Variants in RPTOR observed in about 807,000 individuals in gnomAD.
RPTOR encodes regulatory associated protein of MTOR complex 1.
Under a neutral mutation model 169.9 loss-of-function variants are expected in RPTOR, and 21 were observed. That is an observed-to-expected ratio of 0.12 (90% CI 0.09 to 0.18). The LOEUF (loss-of-function observed/expected upper bound fraction) is 0.18. RPTOR is among the 10% of genes least tolerant of loss of function. RPTOR has a pLI of 1.00. For missense variants in RPTOR, 1,133 were observed against 1,855.9 expected (o/e 0.61, Z 7.16); for synonymous variants, 732 against 753.2 (o/e 0.97, Z 0.46).
chr17:80,943,812 G>T (rs2069064973), intron 25 of RPTOR, among the ~76,000 whole-genome samples: 1 of 152,222 alleles, frequency 6.6e-6, no homozygotes, highest in Admixed American at 6.5e-5. Flanking sequence ...GAGCCAGTCA[G>T]GTGAGGACAC....
At chr17:80,613,623 T>C (rs1408994673) in intron 1 of RPTOR, among the ~76,000 whole-genome samples, 1 of 149,846 alleles carries the variant, frequency 6.7e-6, no homozygotes, top group Non-Finnish European at 1.5e-5. Context: ...ACACAGGTGC[T>C]CTCTATGGTT....
intron 2 of RPTOR, among the ~76,000 whole-genome samples, chr17:80,628,816 G>A (rs2065416137): frequency 6.6e-6 from 1 of 152,136 alleles, no homozygotes; most frequent in South Asian, 2.1e-4. Flanking sequence ...GAGCTTCTTG[G>A]ATGTGTAGTT....
intron 23 of RPTOR, among the ~76,000 whole-genome samples, chr17:80,924,634 A>G (rs2068789239): frequency 6.6e-6 from 1 of 150,990 alleles, no homozygotes; most frequent in African/African-American, 2.4e-5. Flanking sequence ...GAGCAATGCT[A>G]CCGGCACGTG....
intron 11 of RPTOR, among the ~76,000 whole-genome samples, chr17:80,852,883 G>C (rs9891538): frequency 0.12 from 17,942 of 150,824 alleles, 3,391 homozygotes; most frequent in African/African-American, 0.4. Flanking sequence ...CCCCTCCCCC[G>C]ATCCTCCACC....
chr17:80,764,465 T>C (rs1261395372), intron 6 of RPTOR, among the ~76,000 whole-genome samples: 1 of 151,784 alleles, frequency 6.6e-6, no homozygotes, highest in Non-Finnish European at 1.5e-5. Context: ...TCCAATTTCA[T>C]CCATGTCCCT....
intron 2 of RPTOR, among the ~76,000 whole-genome samples, chr17:80,634,503 CATACTGTGTGTGTGT>C (rs1459876880): frequency 5.6e-5 from 5 of 90,040 alleles, no homozygotes; most frequent in Non-Finnish European, 2.0e-5. Flanking sequence ...TGTGTGTGTG[CATACTGTGTGTGTGT>C]GCGTACTGTG....
intron 3 of RPTOR, among the ~76,000 whole-genome samples, chr17:80,666,548 G>A (rs561503667): frequency 2.0e-5 from 3 of 152,246 alleles, no homozygotes; most frequent in Admixed American, 2.0e-4. Context: ...GTTGATTATT[G>A]GCCATATATG....
intron 6 of RPTOR, among the ~76,000 whole-genome samples, chr17:80,781,121 G>T (rs2066938111): frequency 1.3e-5 from 2 of 152,178 alleles, no homozygotes; most frequent in Non-Finnish European, 2.9e-5. Context: ...CATCTAAGCG[G>T]GGAGGGTGAT....
In RPTOR at chr17:80,960,934, C is replaced by T. The variant is rs1048731281; in HGVS notation, c.3606-460C>T. 5.7e-6 allele frequency: 1 copy of T among 174,632 alleles called. No individual in the cohort carries two copies. The highest frequency in any genetic ancestry group is 1.2e-5 in the Non-Finnish European group (1 of 81,508). 10.8% of individuals were successfully genotyped at this position (174,632 alleles called of 1,614,324 possible). On this transcript the variant is annotated intron_variant, in intron 30 of 33. Coordinates refer to ENST00000306801, the MANE Select transcript of RPTOR (RefSeq NM_020761.3). The surrounding 1 kb of genome is among the most constrained non-coding windows in gnomAD (Gnocchi z 4.8). ...GAAGTAAATTTCACCCAGCACAGAGCGAGGATTCCCAGAAGGTCCTTGTGC... is the reference window on the plus strand; with the variant it reads ...GAAGTAAATTTCACCCAGCACAGAGTGAGGATTCCCAGAAGGTCCTTGTGC...
At chr17:80,611,832 TC>T (rs1444485279) in intron 1 of RPTOR, among the ~76,000 whole-genome samples, 3 of 152,082 alleles carry the variant, frequency 2.0e-5, no homozygotes, top group East Asian at 1.9e-4. Flanking sequence ...CAGAGGTTTT[TC>T]CCCCCCTGTA....
chr17:80,738,291 T>C (rs1269557683), intron 5 of RPTOR, among the ~76,000 whole-genome samples: 1 of 152,206 alleles, frequency 6.6e-6, no homozygotes, highest in Non-Finnish European at 1.5e-5. Context: ...TGCCGTTTCA[T>C]CCATCTTTAG....
chr17:80,914,654 G>A (rs962460264), intron 21 of RPTOR, among the ~76,000 whole-genome samples: 2 of 152,116 alleles, frequency 1.3e-5, no homozygotes, highest in African/African-American at 4.8e-5. Context: ...CACACGCTCG[G>A]GGCAGTGCTC....
chr17:80,614,881 C>T (rs2065297741), intron 1 of RPTOR, among the ~76,000 whole-genome samples: 1 of 152,224 alleles, frequency 6.6e-6, no homozygotes, highest in Non-Finnish European at 1.5e-5. Flanking sequence ...TTGCCTTCGT[C>T]ACCAGGACTT....
intron 2 of RPTOR, among the ~76,000 whole-genome samples, chr17:80,640,546 C>T (rs763533929): frequency 3.9e-5 from 6 of 152,204 alleles, no homozygotes; most frequent in Non-Finnish European, 7.3e-5. Context: ...CTGGTCACGG[C>T]CTGGTGAGCA....
At chr17:80,923,952 C>T (rs1000214667) in intron 23 of RPTOR, 15 of 443,510 alleles carry the variant, frequency 3.4e-5, no homozygotes, top group South Asian at 3.2e-4. Flanking sequence ...CCCGGTTCTC[C>T]GCCCCTGGTT....
At chr17:80,773,129 AAGC>A (rs10616237) in intron 6 of RPTOR, among the ~76,000 whole-genome samples, 37,207 of 152,088 alleles carry the variant, frequency 0.24, 4,575 homozygotes, top group South Asian at 0.27. Flanking sequence ...CCACTGGAGA[AAGC>A]AGTGTGTTTG....
At chr17:80,890,483 G>A (rs985826111) in intron 17 of RPTOR, among the ~76,000 whole-genome samples, 1 of 152,030 alleles carries the variant, frequency 6.6e-6, no homozygotes, top group African/African-American at 2.4e-5. Flanking sequence ...ACCGGGGCGT[G>A]GGCCATGGCC....
At chr17:80,671,406 C>G (rs976866370) in intron 3 of RPTOR, among the ~76,000 whole-genome samples, 1 of 152,182 alleles carries the variant, frequency 6.6e-6, no homozygotes, top group East Asian at 1.9e-4. Context: ...CTTGCCAGAA[C>G]ACTCTCTAAT....
At chr17:80,625,665 T>A (rs1233397313) in intron 1 of RPTOR, 26 bp from the exon 2 acceptor site, 1 of 1,480,620 alleles carries the variant, frequency 6.8e-7, no homozygotes, top group Admixed American at 1.7e-5. Context: ...GAAATATTTA[T>A]TTATTTTTTT....
Sources: allele counts gnomAD v4.1 joint callset (sites outside exome capture counted in the v4.1 genomes callset), GRCh38; gene constraint gnomAD v4.1.1; non-coding constraint Gnocchi (gnomAD v3.1); transcripts MANE v1.5; gene names NCBI Gene and HGNC (gene_info 2026-07-23, HGNC 2026-07-21).